The following PDZD2 variants were observed in gnomAD, a reference collection of about 807,000 sequenced individuals.
PDZD2 encodes PDZ domain containing 2, also known as PDZ domain-containing protein 2.
PDZD2 carries 90 observed loss-of-function variants against 220.7 expected under a neutral mutation model. The ratio of observed to expected loss-of-function variants is 0.41; its 90% CI spans 0.34 to 0.49. PDZD2 has a LOEUF of 0.49. Ranked by LOEUF, PDZD2 falls within the 20% of genes least tolerant of loss-of-function variation. The probability of loss-of-function intolerance (pLI) is 0.28; values close to 1 mark genes in which losing one functional copy is unlikely to be tolerated. For missense variants in PDZD2, 3,174 were observed against 3,608.5 expected, an observed-to-expected ratio of 0.88 and a Z score of 3.08; for synonymous variants, 1,375 against 1,450.5, an observed-to-expected ratio of 0.95 and a Z score of 1.18.
At chr5:31,917,886 T>C (rs1743831100) in intron 2 of PDZD2, among the ~76,000 whole-genome samples, 1 of 152,138 alleles carries the variant, frequency 6.6e-6, no homozygotes, top group African/African-American at 2.4e-5. Flanking sequence ...ACTACAGGCG[T>C]GTGCCCCTAC....
intron 2 of PDZD2, chr5:31,923,369 G>T (rs1008277953): frequency 1.4e-5 from 17 of 1,209,294 alleles, no homozygotes; most frequent in Middle Eastern, 2.5e-4. Context: ...CCATCGCCAT[G>T]GTGAAGCTGA....
chr5:31,654,032 C>T (rs1478681439), intron 1 of PDZD2, among the ~76,000 whole-genome samples: 3 of 152,200 alleles, frequency 2.0e-5, no homozygotes, highest in East Asian at 1.9e-4. Flanking sequence ...GATACGCCCA[C>T]GTTGGCCTCC....
At chr5:31,800,070 C>T (rs926518194) in intron 2 of PDZD2, among the ~76,000 whole-genome samples, 1 of 152,138 alleles carries the variant, frequency 6.6e-6, no homozygotes, top group Non-Finnish European at 1.5e-5. Flanking sequence ...TCTACCCACA[C>T]GGCCACCCAC....
chr5:32,077,085 A>G (rs1309765946), intron 18 of PDZD2, among the ~76,000 whole-genome samples: 1 of 152,238 alleles, frequency 6.6e-6, no homozygotes, highest in Non-Finnish European at 1.5e-5. Flanking sequence ...TCATTCCCTC[A>G]CTACCAAACT....
At position 32,061,125 on chromosome 5, in the gene PDZD2, T is replaced by C; in HGVS notation, c.2442T>C (p.Pro814=). ...GPVRLVIGRH[P]NPKVSEQEMD... is the part of the protein sequence containing the mutation. Reference sequence around the variant, plus strand: ...TTCGCCTTGTCATCGGCCGGCACCCTAATCCAAAGGTGAGGTGGTCCACCC... The same window carrying C: ...TTCGCCTTGTCATCGGCCGGCACCCCAATCCAAAGGTGAGGTGGTCCACCC... The change falls in exon 14 of 25, where the codon CCT becomes CCC. Residue 814 remains proline (P), a synonymous_variant. Transcript: ENST00000438447. 1 of 1,614,108 alleles carries C rather than the reference T, an allele frequency of 6.2e-7. No individual in the cohort carries two copies. The highest frequency in any genetic ancestry group is 2.2e-5 in the East Asian group (1 of 44,886).
At chr5:32,085,512 T>C (rs952181991) in intron 19 of PDZD2, among the ~76,000 whole-genome samples, 5 of 149,994 alleles carry the variant, frequency 3.3e-5, no homozygotes, top group African/African-American at 5.1e-5. Flanking sequence ...AATGGCATGA[T>C]CTTGGCTCAC....
At chr5:32,060,570 A>G (rs1434038713) in intron 13 of PDZD2, among the ~76,000 whole-genome samples, 1 of 152,214 alleles carries the variant, frequency 6.6e-6, no homozygotes, top group African/African-American at 2.4e-5. Context: ...GTTGACAGTC[A>G]GACGGACCCG....
intron 2 of PDZD2, among the ~76,000 whole-genome samples, chr5:31,906,569 G>A (rs1043774331): frequency 2.4e-4 from 37 of 152,086 alleles, no homozygotes; most frequent in African/African-American, 8.9e-4. Flanking sequence ...ATAGCCGGGT[G>A]CAGTGGCTCA....
intron 5 of PDZD2, among the ~76,000 whole-genome samples, chr5:32,003,171 A>G (rs1208714691): frequency 1.8e-5 from 1 of 55,402 alleles, no homozygotes; most frequent in African/African-American, 5.3e-5. Context: ...CACACACCAC[A>G]CACCATACAC....
intron 2 of PDZD2, among the ~76,000 whole-genome samples, chr5:31,856,920 A>G (rs1276598156): frequency 7.3e-6 from 1 of 137,820 alleles, no homozygotes; most frequent in Non-Finnish European, 1.7e-5. Flanking sequence ...ATATATATAT[A>G]TATATATATA....
intron 2 of PDZD2, among the ~76,000 whole-genome samples, chr5:31,873,582 A>C (rs939058832): frequency 8.2e-6 from 1 of 122,526 alleles, no homozygotes; most frequent in African/African-American, 2.8e-5. Flanking sequence ...TATTTATTTA[A>C]TAAAGCCAGG....
intron 2 of PDZD2, among the ~76,000 whole-genome samples, chr5:31,904,816 C>T (rs113268056): frequency 1.8e-4 from 27 of 152,130 alleles, no homozygotes; most frequent in African/African-American, 5.8e-4. Context: ...GAATTCTGGG[C>T]GCAATTACAT....
intron 6 of PDZD2, among the ~76,000 whole-genome samples, chr5:32,017,439 CA>C (rs11289719): frequency 0.33 from 42,308 of 126,780 alleles, 5,955 homozygotes; most frequent in African/African-American, 0.38. Context: ...GACCCTGTCT[CA>C]AAAAAAAAAA....
At chr5:31,812,035 T>TAAATAAATAAAA (rs1372652679) in intron 2 of PDZD2, among the ~76,000 whole-genome samples, 2 of 143,686 alleles carry the variant, frequency 1.4e-5, no homozygotes, top group East Asian at 3.9e-4. Flanking sequence ...AATAAATAAA[T>TAAATAAATAAAA]AAAAATTCAA....
Position 32,014,706 on chromosome 5 carries a change from CTTTTT to C in PDZD2, c.1407+4248_1407+4252del, listed in dbSNP as rs556276502. On this transcript the variant is annotated intron_variant, in intron 6 of 24. Transcript: ENST00000438447. ...ATTTTCTGCTCTGCAATGACAATTTCTTTTTTTTTTTTTTTTTTTTTTTTTTTTGA... is the reference window on the plus strand; with the variant it reads ...ATTTTCTGCTCTGCAATGACAATTTCTTTTTTTTTTTTTTTTTTTTTTTGA... Among the ~76,000 whole-genome samples the C allele has an allele frequency of 8.4e-5, 8 of 95,420 alleles. 1 individual carries two copies. Among genetic ancestry groups the C allele is most frequent in the East Asian group, 3.0e-4 (1 of 3,362 alleles). 62.6% of individuals were successfully genotyped at this position (95,420 alleles called of 152,430 possible).
Position 31,852,586 on chromosome 5 carries a change from A to G in PDZD2, c.476+52862A>G, listed in dbSNP as rs143208694. ...CAGGCATGAGCCACCACGTGCCTGG[A>G]CTTTATTATGTATTTATTTTATGTT... On this transcript the variant is annotated intron_variant, in intron 2 of 24. Coordinates refer to ENST00000438447, the MANE Select transcript of PDZD2 (RefSeq NM_178140.4). 9.6e-4 allele frequency among the ~76,000 whole-genome samples: 142 copies of G among 147,966 alleles called. 1 individual carries two copies. The highest frequency in any genetic ancestry group is 3.2e-3 in the African/African-American group (127 of 39,776).
At chr5:31,885,265 C>A (rs1467004964) in intron 2 of PDZD2, among the ~76,000 whole-genome samples, 1 of 150,162 alleles carries the variant, frequency 6.7e-6, no homozygotes, top group Non-Finnish European at 1.5e-5. Context: ...TCTTTACTAT[C>A]CAATTTAGAC....
At chr5:31,787,477 A>T (rs949742514) in intron 1 of PDZD2, among the ~76,000 whole-genome samples, 3 of 152,190 alleles carry the variant, frequency 2.0e-5, no homozygotes, top group African/African-American at 7.2e-5. Flanking sequence ...GGCCTTCAAT[A>T]TTCATGAGTC....
chr5:32,074,745 G>C (rs1447860460), intron 18 of PDZD2, 102 bp downstream of exon 18: 4 of 713,992 alleles, frequency 5.6e-6, no homozygotes, highest in Non-Finnish European at 9.4e-6. Context: ...AGTGGGAAAG[G>C]ATGATGGCTG....
Sources: allele counts gnomAD v4.1 joint callset (sites outside exome capture counted in the v4.1 genomes callset), GRCh38; gene constraint gnomAD v4.1.1; transcripts MANE v1.5; gene names NCBI Gene and HGNC (gene_info 2026-07-23, HGNC 2026-07-21).